PTPN14: variants seen among roughly 807,000 people sequenced by gnomAD.
PTPN14 encodes the protein tyrosine-protein phosphatase non-receptor type 14.
In PTPN14, 53 loss-of-function variants were observed where a neutral mutation model predicts 126.8. That is an observed-to-expected ratio of 0.42 (90% CI 0.34 to 0.53). The LOEUF (loss-of-function observed/expected upper bound fraction) is 0.53, where lower values mean the gene tolerates loss of function less well. Ranked by LOEUF, PTPN14 falls within the 20% of genes least tolerant of loss-of-function variation. The pLI is 0.08. For synonymous variants in PTPN14, 630 were observed against 599.3 expected (o/e 1.05, Z -0.75); for missense variants, 1,257 against 1,552.9 (o/e 0.81, Z 3.20).
rs1018710626 is a variant in PTPN14, at chr1:214,364,609, C to T, written c.3338G>A (p.Arg1113Gln). 7.4e-6 allele frequency: 12 copies of T among 1,613,928 alleles called. No individual in the cohort carries two copies. The highest frequency in any genetic ancestry group is 1.3e-5 in the African/African-American group (1 of 74,902). ...ACAGTGGACCACGATGGGCGGGTGC[C>T]GGTTCTTGGTGCCTTCCAGCATGCT... ...TNSMLEGTKN[R>Q]HPPIVVHCSA... The change falls in exon 18 of 19, where the codon CGG (arginine) becomes CAG (glutamine). Residue 1113 changes from arginine to glutamine, a missense_variant. Transcript: ENST00000366956. The surrounding 1 kb of genome is among the most constrained non-coding windows in gnomAD (Gnocchi z 4.1).
intron 1 of PTPN14, among the ~76,000 whole-genome samples, chr1:214,470,279 CTCTATT>C (rs1660724813): frequency 1.3e-5 from 2 of 151,922 alleles, no homozygotes; most frequent in African/African-American, 4.8e-5. Context: ...TACAGCAAGA[CTCTATT>C]TCTAAGTAAA....
At chr1:214,439,039 T>C (rs1368280681) in intron 3 of PTPN14, among the ~76,000 whole-genome samples, 4 of 152,196 alleles carry the variant, frequency 2.6e-5, no homozygotes, top group African/African-American at 4.8e-5. Flanking sequence ...TTCTCCTTCT[T>C]TTTCCTTTTT....
intron 1 of PTPN14, among the ~76,000 whole-genome samples, chr1:214,518,647 T>C (rs896802396): frequency 6.6e-6 from 1 of 152,158 alleles, no homozygotes; most frequent in Non-Finnish European, 1.5e-5. Flanking sequence ...AAAATCCCAC[T>C]GGGCAGATGG....
intron 1 of PTPN14, among the ~76,000 whole-genome samples, chr1:214,541,965 G>A (rs1467369959): frequency 6.6e-6 from 1 of 152,166 alleles, no homozygotes; most frequent in African/African-American, 2.4e-5. Context: ...TTAGAAGGGA[G>A]AATGTAATAA....
At chr1:214,492,283 C>T (rs1661267812) in intron 1 of PTPN14, among the ~76,000 whole-genome samples, 1 of 150,790 alleles carries the variant, frequency 6.6e-6, no homozygotes, top group African/African-American at 2.4e-5. Context: ...GACATGTCCA[C>T]AACCATGTAG....
chr1:214,428,372 G>A (rs1659717172), intron 3 of PTPN14, among the ~76,000 whole-genome samples: 3 of 152,040 alleles, frequency 2.0e-5, no homozygotes, highest in Admixed American at 6.6e-5. Flanking sequence ...TGGGGGAAAC[G>A]GATTTGACTG....
chr1:214,444,052 T>A (rs1211259048), intron 3 of PTPN14, among the ~76,000 whole-genome samples: 1 of 152,162 alleles, frequency 6.6e-6, no homozygotes, highest in African/African-American at 2.4e-5. Context: ...TAGCAAAGTG[T>A]CTAACACAGA....
At position 214,356,443 on chromosome 1, in the gene PTPN14, A is replaced by G. The variant is rs7543972; in HGVS notation, c.*1479T>C. Reference sequence around the variant, plus strand: ...AACAACAGGTGCATATCAAAGCTGTACTCAAGAAAAGGTAGACATAGAATG... The same window carrying G: ...AACAACAGGTGCATATCAAAGCTGTGCTCAAGAAAAGGTAGACATAGAATG... On this transcript the variant is annotated 3_prime_UTR_variant, in exon 19 of 19. Coordinates refer to ENST00000366956, the MANE Select transcript of PTPN14 (RefSeq NM_005401.5). The G allele has an allele frequency of 0.14, 20,615 of 152,240 alleles. 1,535 individuals are homozygous for G. Among genetic ancestry groups the G allele is most frequent in the Middle Eastern group, 0.2 (59 of 294 alleles). 9.4% of individuals were successfully genotyped at this position (152,240 alleles called of 1,614,324 possible). A position where few individuals can be genotyped will look rare whatever the true frequency, so the allele number is the denominator to read the frequency against.
At chr1:214,456,597 T>C (rs971325023) in intron 2 of PTPN14, among the ~76,000 whole-genome samples, 6 of 152,154 alleles carry the variant, frequency 3.9e-5, no homozygotes, top group African/African-American at 1.2e-4. Context: ...TAAAAGTACA[T>C]GAAAAGAAAA....
intron 1 of PTPN14, among the ~76,000 whole-genome samples, chr1:214,521,249 C>T (rs1312283127): frequency 6.6e-6 from 1 of 152,208 alleles, no homozygotes; most frequent in Non-Finnish European, 1.5e-5. Flanking sequence ...ATGCTGTTTT[C>T]ACAAAGTACT....
At chr1:214,442,640 G>T (rs1660058858) in intron 3 of PTPN14, among the ~76,000 whole-genome samples, 1 of 152,058 alleles carries the variant, frequency 6.6e-6, no homozygotes, top group Admixed American at 6.6e-5. Flanking sequence ...TATTACAAAA[G>T]AACACTGATT....
intron 2 of PTPN14, among the ~76,000 whole-genome samples, chr1:214,460,012 T>A (rs1407586516): frequency 6.6e-6 from 1 of 152,202 alleles, no homozygotes; most frequent in African/African-American, 2.4e-5. Context: ...CATTTTACCA[T>A]ACTCCCTGCT....
chr1:214,369,783 T>G, intron 16 of PTPN14, 92 bp from the exon 17 acceptor site: 2 of 1,173,744 alleles, frequency 1.7e-6, no homozygotes, highest in Non-Finnish European at 2.5e-6. Flanking sequence ...AAAATGCAAA[T>G]AGCTTCTAAA....
intron 3 of PTPN14, among the ~76,000 whole-genome samples, chr1:214,431,097 T>A (rs1282833402): frequency 1.3e-5 from 2 of 152,108 alleles, no homozygotes; most frequent in African/African-American, 4.8e-5. Flanking sequence ...ACCCAGGGTG[T>A]CCAGAGACAT....
chr1:214,355,890 C>G lies in PTPN14; in HGVS notation c.*2032G>C, dbSNP rs1009604911. The G allele has an allele frequency of 1.3e-4, 20 of 150,596 alleles. No homozygotes were observed. Among genetic ancestry groups the G allele is most frequent in the African/African-American group, 4.6e-4 (19 of 41,064 alleles). The allele number at this position is 150,596 out of a possible 1,614,324, so 9.3% of individuals were successfully genotyped here. On this transcript the variant is annotated 3_prime_UTR_variant, in exon 19 of 19. Transcript: ENST00000366956. Reference sequence around the variant, plus strand: ...TATGGAACTCTCACAGCAGTCAATTCTAAGAAAAAAAACTGCAATTAAATT... The same window carrying G: ...TATGGAACTCTCACAGCAGTCAATTGTAAGAAAAAAAACTGCAATTAAATT...
At chr1:214,502,180 T>C (rs1291007334) in intron 1 of PTPN14, among the ~76,000 whole-genome samples, 3 of 152,124 alleles carry the variant, frequency 2.0e-5, no homozygotes, top group Non-Finnish European at 2.9e-5. Context: ...CATAAAGATT[T>C]TTCATCCCTG....
In PTPN14 at chr1:214,398,006, G is replaced by T; in HGVS notation, c.670-5C>A. On this transcript the variant is annotated splice_region_variant and splice_polypyrimidine_tract_variant and intron_variant, in intron 7 of 18. Transcript: ENST00000366956. Reference sequence around the variant, plus strand: ...TACACAGTTTCCATGATTGTCCTGGGTAAGACCAACAAAAGATACTTGTGA... The same window carrying T: ...TACACAGTTTCCATGATTGTCCTGGTTAAGACCAACAAAAGATACTTGTGA... The T allele has an allele frequency of 6.2e-7, 1 of 1,600,208 alleles. No individual in the cohort carries two copies. The highest frequency in any genetic ancestry group is 8.6e-7 in the Non-Finnish European group (1 of 1,168,228).
chr1:214,414,081 T>C (rs1659370176), intron 4 of PTPN14, among the ~76,000 whole-genome samples: 1 of 152,134 alleles, frequency 6.6e-6, no homozygotes. Flanking sequence ...CACATAACAA[T>C]TTAGAGAAGG....
chr1:214,449,872 G>GA (rs1286487869), intron 3 of PTPN14, among the ~76,000 whole-genome samples: 1 of 151,680 alleles, frequency 6.6e-6, no homozygotes, highest in African/African-American at 2.4e-5. Flanking sequence ...GAACGAAAGT[G>GA]AAAAAAATAA....
Sources: gnomAD v4.1 joint callset for allele counts (sites outside exome capture counted in the v4.1 genomes callset) on GRCh38, gnomAD v4.1.1 for gene constraint, Gnocchi (gnomAD v3.1) non-coding constraint, MANE v1.5 for transcripts, NCBI Gene and HGNC (gene_info 2026-07-23, HGNC 2026-07-21) for gene names.